NLGN1: variants seen among roughly 807,000 people sequenced by gnomAD.
NLGN1 encodes neuroligin-1.
Under a neutral mutation model 65.5 loss-of-function variants are expected in NLGN1, and 12 were observed. That is an observed-to-expected ratio of 0.18 (90% CI 0.12 to 0.30). The LOEUF (loss-of-function observed/expected upper bound fraction) is 0.30. Among genes scored for constraint, NLGN1 ranks in the 10% least tolerant of loss-of-function variants. The pLI, the probability that NLGN1 is intolerant of heterozygous loss-of-function variation, is 1.00. For missense variants in NLGN1, 750 were observed against 1,007.1 expected (o/e 0.74, Z 3.46); for synonymous variants, 350 against 359.5 (o/e 0.97, Z 0.30).
chr3:173,685,701 T>G, intron 3 of NLGN1: 1 of 985,350 alleles, frequency 1.0e-6, no homozygotes, highest in Non-Finnish European at 1.2e-6. Context: ...CCAGGAAGTT[T>G]GGTAAATGAT....
chr3:173,693,077 A>ATTTT (rs1439864270), intron 3 of NLGN1, among the ~76,000 whole-genome samples: 506 of 152,218 alleles, frequency 3.3e-3, no homozygotes, highest in African/African-American at 0.012. Flanking sequence ...TGAAGGTAAA[A>ATTTT]ACTAGAGTTA....
At chr3:173,531,237 T>C (rs1386081230) in intron 2 of NLGN1, among the ~76,000 whole-genome samples, 1 of 152,090 alleles carries the variant, frequency 6.6e-6, no homozygotes, top group Admixed American at 6.6e-5. Flanking sequence ...AGAAAATTGG[T>C]GAAAATATAT....
intron 3 of NLGN1, among the ~76,000 whole-genome samples, chr3:173,622,571 C>T (rs889822996): frequency 3.3e-5 from 5 of 150,980 alleles, no homozygotes; most frequent in Admixed American, 6.6e-5. Flanking sequence ...AAAATAGTCC[C>T]GGTAAAAAGA....
intron 2 of NLGN1, among the ~76,000 whole-genome samples, chr3:173,505,469 C>T (rs1731871136): frequency 6.6e-6 from 1 of 152,062 alleles, no homozygotes; most frequent in South Asian, 2.1e-4. Context: ...TAATATAGCC[C>T]ATAATGCCCT....
At chr3:173,455,386 C>T (rs2148865762) in intron 2 of NLGN1, among the ~76,000 whole-genome samples, 1 of 152,186 alleles carries the variant, frequency 6.6e-6, no homozygotes, top group East Asian at 1.9e-4. Flanking sequence ...GATCCACCCC[C>T]ATGACCCAAA....
intron 2 of NLGN1, among the ~76,000 whole-genome samples, chr3:173,478,591 A>T (rs540382047): frequency 6.6e-6 from 1 of 152,186 alleles, no homozygotes; most frequent in Non-Finnish European, 1.5e-5. Flanking sequence ...GAACAATGTC[A>T]TGTATTGGAA....
chr3:173,782,592 G>A (rs1173334167), intron 3 of NLGN1, among the ~76,000 whole-genome samples: 1 of 151,892 alleles, frequency 6.6e-6, no homozygotes, highest in Non-Finnish European at 1.5e-5. Flanking sequence ...ATAACTGTAG[G>A]TATTTTATCT....
rs114940019 is a variant in NLGN1 at position 173,840,035 on chromosome 3, T to A, written c.646+32203T>A. Among the ~76,000 whole-genome samples the A allele has an allele frequency of 8.0e-3, 1,211 of 152,324 alleles. 21 individuals carry two copies. The highest frequency in any genetic ancestry group is 0.027 in the African/African-American group (1,135 of 41,570). ...AGAGATTCCAGCTTAACCACTGTGC[T>A]ATTTTACAAATCGCAACATCGACAT... On this transcript the variant is annotated intron_variant, in intron 4 of 6. Transcript: ENST00000457714.
rs147207698 is a variant in NLGN1, at chr3:173,777,159, C to T, written c.494-30521C>T. On this transcript the variant is annotated intron_variant, in intron 3 of 6. Coordinates refer to ENST00000457714, the Ensembl canonical transcript of NLGN1. ...ATAATAACAGTACCTACCTAATAGGCGTTTGAAAAGAATAAATGAGGCCAT... is the reference window on the plus strand; with the variant it reads ...ATAATAACAGTACCTACCTAATAGGTGTTTGAAAAGAATAAATGAGGCCAT... Among the ~76,000 whole-genome samples, 775 of 152,012 alleles carry T rather than the reference C, an allele frequency of 5.1e-3. 11 individuals are homozygous for T. Among genetic ancestry groups the T allele is most frequent in the African/African-American group, 0.017 (712 of 41,548 alleles).
At chr3:173,622,243 G>GT (rs1754115971) in intron 3 of NLGN1, among the ~76,000 whole-genome samples, 1 of 152,012 alleles carries the variant, frequency 6.6e-6, no homozygotes, top group South Asian at 2.1e-4. Flanking sequence ...GACTCAGCTT[G>GT]TTTTTTGAGC....
At chr3:173,638,766 A>G (rs186160025) in intron 3 of NLGN1, among the ~76,000 whole-genome samples, 9 of 152,300 alleles carry the variant, frequency 5.9e-5, no homozygotes, top group Admixed American at 5.9e-4. Flanking sequence ...GTCTGGTTAC[A>G]CAGTGTTTTT....
intron 2 of NLGN1, among the ~76,000 whole-genome samples, chr3:173,536,319 T>C (rs563478978): frequency 2.6e-5 from 4 of 152,216 alleles, no homozygotes; most frequent in Non-Finnish European, 5.9e-5. Flanking sequence ...TAATTCTATT[T>C]TAATTGTGAT....
At chr3:173,777,910 A>G (rs989405480) in intron 3 of NLGN1, among the ~76,000 whole-genome samples, 2 of 151,922 alleles carry the variant, frequency 1.3e-5, no homozygotes, top group African/African-American at 4.8e-5. Flanking sequence ...TAAAAAATCT[A>G]GCATGTTTAT....
intron 4 of NLGN1, among the ~76,000 whole-genome samples, chr3:173,832,930 T>G (rs1265734177): frequency 6.6e-6 from 1 of 152,206 alleles, no homozygotes; most frequent in Non-Finnish European, 1.5e-5. Context: ...GGCAATCTTT[T>G]CTGGTCAGCA....
intron 3 of NLGN1, among the ~76,000 whole-genome samples, chr3:173,685,437 A>G (rs1214056807): frequency 6.6e-6 from 1 of 152,190 alleles, no homozygotes; most frequent in Non-Finnish European, 1.5e-5. Flanking sequence ...TGTCCTAAAC[A>G]CTGTTATAAA....
chr3:174,116,139 A>G (rs1374643700), intron 4 of NLGN1, among the ~76,000 whole-genome samples: 1 of 152,110 alleles, frequency 6.6e-6, no homozygotes, highest in African/African-American at 2.4e-5. Flanking sequence ...ATACTGAAAT[A>G]GACAATATAA....
chr3:174,206,801 T>TA (rs1305437706), intron 4 of NLGN1, among the ~76,000 whole-genome samples: 7 of 152,152 alleles, frequency 4.6e-5, no homozygotes, highest in African/African-American at 1.7e-4. Context: ...GTGAAACTGA[T>TA]AGACTCTTGG....
At chr3:173,972,282 T>C (rs1193133132) in intron 4 of NLGN1, among the ~76,000 whole-genome samples, 1 of 152,082 alleles carries the variant, frequency 6.6e-6, no homozygotes, top group Non-Finnish European at 1.5e-5. Flanking sequence ...GATTATTCTT[T>C]AGGGCTGGCT....
intron 4 of NLGN1, among the ~76,000 whole-genome samples, chr3:173,814,329 A>C (rs1226859578): frequency 6.6e-6 from 1 of 152,240 alleles, no homozygotes; most frequent in Non-Finnish European, 1.5e-5. Context: ...TTCTTCTCTC[A>C]AATATGTTAT....
Sources: allele counts gnomAD v4.1 joint callset (sites outside exome capture counted in the v4.1 genomes callset), GRCh38; gene constraint gnomAD v4.1.1; transcripts MANE v1.5; gene names NCBI Gene and HGNC (gene_info 2026-07-23, HGNC 2026-07-21).